Variants in FAM135A observed in about 807,000 individuals in gnomAD.
The protein encoded by FAM135A is protein FAM135A.
In FAM135A, 79 loss-of-function variants were observed where a neutral mutation model predicts 146.8. That is an observed-to-expected ratio of 0.54 (90% CI 0.45 to 0.65). FAM135A has a LOEUF of 0.65. FAM135A is among the 30% of genes least tolerant of loss of function. FAM135A has a pLI of 0.00. For synonymous variants in FAM135A, 562 were observed against 603.6 expected (o/e 0.93, Z 1.01); for missense variants, 1,623 against 1,758.2 (o/e 0.92, Z 1.38).
At chr6:70,545,108 C>A (rs1465483536) in intron 20 of FAM135A, among the ~76,000 whole-genome samples, 1 of 151,696 alleles carries the variant, frequency 6.6e-6, no homozygotes, top group East Asian at 1.9e-4. Flanking sequence ...TTATAGATTA[C>A]AGAAATTGAC....
At chr6:70,435,114 T>G (rs1040236963) in intron 4 of FAM135A, among the ~76,000 whole-genome samples, 1 of 145,006 alleles carries the variant, frequency 6.9e-6, no homozygotes, top group African/African-American at 2.5e-5. Context: ...TATATATTTT[T>G]TTTTTTTTTT....
chr6:70,459,607 A>G (rs1562460054), intron 5 of FAM135A, among the ~76,000 whole-genome samples: 1 of 152,248 alleles, frequency 6.6e-6, no homozygotes, highest in Non-Finnish European at 1.5e-5. Context: ...AAGTTTAAAT[A>G]ATGACATCCT....
intron 5 of FAM135A, among the ~76,000 whole-genome samples, chr6:70,464,301 C>T (rs1468382418): frequency 1.3e-5 from 2 of 151,908 alleles, no homozygotes; most frequent in African/African-American, 4.8e-5. Context: ...AACTGATAGG[C>T]AAAATAAAAA....
intron 4 of FAM135A, among the ~76,000 whole-genome samples, chr6:70,431,874 T>C (rs2127805783): frequency 6.6e-6 from 1 of 152,214 alleles, no homozygotes; most frequent in African/African-American, 2.4e-5. Context: ...TTTTCAAATA[T>C]ATGTAGTGTC....
At chr6:70,444,140 C>CT (rs2127975936) in intron 4 of FAM135A, among the ~76,000 whole-genome samples, 1 of 152,240 alleles carries the variant, frequency 6.6e-6, no homozygotes, top group East Asian at 1.9e-4. Flanking sequence ...TGCGGTGGCT[C>CT]ACGCCTGTAA....
At chr6:70,485,900 ACT>A (rs1323220454) in intron 10 of FAM135A, among the ~76,000 whole-genome samples, 2 of 152,212 alleles carry the variant, frequency 1.3e-5, no homozygotes, top group Non-Finnish European at 2.9e-5. Context: ...CAGGGAGTTA[ACT>A]CTGAGATCCC....
chr6:70,503,811 T>C (rs111485948), intron 12 of FAM135A: 1 of 152,242 alleles, frequency 6.6e-6, no homozygotes, highest in Admixed American at 6.5e-5. Flanking sequence ...CCATCTTTTT[T>C]GACAGTACCT....
chr6:70,425,870 G>A (rs1009161825), intron 2 of FAM135A, among the ~76,000 whole-genome samples: 4 of 152,056 alleles, frequency 2.6e-5, no homozygotes, highest in South Asian at 2.1e-4. Context: ...TTGGGAGGCC[G>A]AGGCGGGTGG....
chr6:70,458,109 T>C (rs1250427813), intron 5 of FAM135A, among the ~76,000 whole-genome samples: 1 of 145,422 alleles, frequency 6.9e-6, no homozygotes, highest in Non-Finnish European at 1.5e-5. Flanking sequence ...TGTGAAAATC[T>C]CACATATGTG....
rs747238331 is a variant in FAM135A at position 70,526,324 on chromosome 6, A to G, written c.3240A>G (p.Glu1080=). ...SEKEISNLQQ[E]QDKEDEEEEQ... is the part of the protein sequence containing the mutation. The stretch of plus-strand genomic sequence containing the variant: ...AAGAAATTAGTAATCTTCAGCAGGA[A>G]CAGGATAAAGAGGATGAGGAGGAAG... The change falls in exon 15 of 22, where the codon GAA becomes GAG. Residue 1080 remains glutamate, a synonymous_variant. Coordinates refer to ENST00000418814, the MANE Select transcript of FAM135A (RefSeq NM_001162529.3). 9 of 1,613,384 alleles carry G rather than the reference A, an allele frequency of 5.6e-6. No homozygotes were observed. In the South Asian group the frequency reaches 8.8e-5, roughly 16 times the overall value.
At chr6:70,442,990 G>A (rs1478087691) in intron 4 of FAM135A, among the ~76,000 whole-genome samples, 3 of 152,044 alleles carry the variant, frequency 2.0e-5, no homozygotes, top group Admixed American at 1.3e-4. Flanking sequence ...AGTTGCTATT[G>A]CAATTAATAC....
intron 5 of FAM135A, among the ~76,000 whole-genome samples, chr6:70,459,757 C>T (rs767396051): frequency 5.9e-5 from 9 of 152,076 alleles, no homozygotes; most frequent in East Asian, 3.9e-4. Flanking sequence ...TCACCAGGCG[C>T]GGAGGCTCAT....
At chr6:70,445,968 A>G (rs532513173) in intron 4 of FAM135A, among the ~76,000 whole-genome samples, 259 of 152,388 alleles carry the variant, frequency 1.7e-3, no homozygotes, top group African/African-American at 5.5e-3. Flanking sequence ...TGCAGACTAT[A>G]CAAAGACAAA....
chr6:70,524,147 C>G, intron 14 of FAM135A, 26 bp downstream of exon 14: 1 of 1,586,010 alleles, frequency 6.3e-7, no homozygotes. Context: ...CTAAAATATA[C>G]AAGCTATGTG....
At chr6:70,442,772 T>C (rs559953637) in intron 4 of FAM135A, among the ~76,000 whole-genome samples, 4 of 152,238 alleles carry the variant, frequency 2.6e-5, no homozygotes, top group African/African-American at 9.6e-5. Context: ...TGTCCTTTGA[T>C]ACAATGCTAT....
At chr6:70,533,722 C>A in intron 17 of FAM135A, 35 bp from the exon 18 acceptor site, 1 of 1,258,476 alleles carries the variant, frequency 7.9e-7, no homozygotes, top group Non-Finnish European at 1.1e-6. Context: ...ATACATATTC[C>A]CAAATATAAT....
intron 10 of FAM135A, among the ~76,000 whole-genome samples, chr6:70,484,301 T>C (rs1425014434): frequency 6.6e-6 from 1 of 152,174 alleles, no homozygotes; most frequent in Non-Finnish European, 1.5e-5. Flanking sequence ...ATAAGGAAGA[T>C]ATCCATCTGC....
chr6:70,414,553 A>G (rs1052560536), intron 1 of FAM135A, among the ~76,000 whole-genome samples: 1 of 145,014 alleles, frequency 6.9e-6, no homozygotes, highest in Non-Finnish European at 1.5e-5. Context: ...TCTTAACTTC[A>G]TTCCATTTGT....
At chr6:70,458,120 A>C (rs1582261011) in intron 5 of FAM135A, among the ~76,000 whole-genome samples, 1 of 138,078 alleles carries the variant, frequency 7.2e-6, no homozygotes, top group South Asian at 2.1e-4. Context: ...CACATATGTG[A>C]AAATATTATC....
Sources: allele counts gnomAD v4.1 joint callset (sites outside exome capture counted in the v4.1 genomes callset), GRCh38; gene constraint gnomAD v4.1.1; transcripts MANE v1.5; gene names NCBI Gene and HGNC (gene_info 2026-07-23, HGNC 2026-07-21).